CA10: variants seen among roughly 807,000 people sequenced by gnomAD.
CA10 encodes carbonic anhydrase 10 (inactive).
CA10 carries 14 observed loss-of-function variants against 44.2 expected under a neutral mutation model. The ratio of observed to expected loss-of-function variants is 0.32; its 90% confidence interval spans 0.21 to 0.50. The LOEUF is 0.50. Ranked by LOEUF, CA10 falls within the 20% of genes least tolerant of loss-of-function variation. CA10 has a pLI of 0.99. For missense variants in CA10, 350 were observed against 409.7 expected, an observed-to-expected ratio of 0.85 and a Z score of 1.26; for synonymous variants, 159 against 141.6, an observed-to-expected ratio of 1.12 and a Z score of -0.87.
chr17:52,021,415 A>G (rs1000106738), intron 2 of CA10, among the ~76,000 whole-genome samples: 4 of 152,106 alleles, frequency 2.6e-5, no homozygotes, highest in Non-Finnish European at 5.9e-5. Flanking sequence ...GAACTAATTT[A>G]TATTCCCACC....
At chr17:52,083,495 C>T (rs563270972) in intron 1 of CA10, among the ~76,000 whole-genome samples, 80 of 152,246 alleles carry the variant, frequency 5.3e-4, no homozygotes, top group African/African-American at 1.9e-3. Flanking sequence ...GAAGTCTAGG[C>T]TTTTAGTGTA....
chr17:51,818,632 TG>T (rs781553719), intron 3 of CA10, among the ~76,000 whole-genome samples: 24 of 152,108 alleles, frequency 1.6e-4, no homozygotes, highest in Non-Finnish European at 2.6e-4. Context: ...TTCGTGATGA[TG>T]GTTCTCTGAG....
At chr17:51,706,990 C>G (rs1915782106) in intron 4 of CA10, among the ~76,000 whole-genome samples, 1 of 152,160 alleles carries the variant, frequency 6.6e-6, no homozygotes, top group South Asian at 2.1e-4. Flanking sequence ...TTATTTTACC[C>G]ACAGCGCTTG....
intron 3 of CA10, among the ~76,000 whole-genome samples, chr17:51,793,697 T>C (rs1220169966): frequency 1.3e-5 from 2 of 152,252 alleles, no homozygotes; most frequent in African/African-American, 2.4e-5. Flanking sequence ...GGTAAATTAG[T>C]ATAGAGACCC....
intron 3 of CA10, among the ~76,000 whole-genome samples, chr17:51,822,691 G>A (rs1271861738): frequency 1.3e-5 from 2 of 152,164 alleles, no homozygotes; most frequent in African/African-American, 4.8e-5. Context: ...TGTGTAGCAT[G>A]GTGCACTAGA....
chr17:52,157,168 G>A (rs1026953973), intron 1 of CA10, among the ~76,000 whole-genome samples: 5 of 152,170 alleles, frequency 3.3e-5, no homozygotes, highest in Admixed American at 6.5e-5. Context: ...AATTGGGGGG[G>A]TAGAGGAGGG....
chr17:51,847,729 T>G (rs1368357136), intron 3 of CA10, among the ~76,000 whole-genome samples: 2 of 152,170 alleles, frequency 1.3e-5, no homozygotes, highest in Non-Finnish European at 2.9e-5. Flanking sequence ...TTCATCTGGT[T>G]GGAGGCAGCC....
At chr17:52,110,645 A>G (rs1988769737) in intron 1 of CA10, among the ~76,000 whole-genome samples, 1 of 152,078 alleles carries the variant, frequency 6.6e-6, no homozygotes, top group African/African-American at 2.4e-5. Context: ...GCTAAGCTGA[A>G]CTCTAGCTTC....
intron 3 of CA10, among the ~76,000 whole-genome samples, chr17:51,905,325 T>C (rs9890328): frequency 0.013 from 1,933 of 152,106 alleles, 42 homozygotes; most frequent in African/African-American, 0.044. Flanking sequence ...CATAGGCCCA[T>C]TGTAAAGATT....
intron 1 of CA10, among the ~76,000 whole-genome samples, chr17:52,102,366 T>G (rs962282068): frequency 1.1e-4 from 16 of 152,234 alleles, no homozygotes; most frequent in Non-Finnish European, 1.6e-4. Context: ...AATGCAATGT[T>G]GTTAAAATAA....
intron 3 of CA10, among the ~76,000 whole-genome samples, chr17:51,801,960 C>T (rs931419917): frequency 5.9e-5 from 9 of 152,170 alleles, no homozygotes; most frequent in African/African-American, 2.2e-4. Flanking sequence ...GAAGAAGCTT[C>T]CTGGGAAGGA....
At chr17:51,914,546 T>C (rs1981917861) in intron 3 of CA10, among the ~76,000 whole-genome samples, 1 of 152,098 alleles carries the variant, frequency 6.6e-6, no homozygotes, top group Non-Finnish European at 1.5e-5. Flanking sequence ...AAAATACGTA[T>C]AGTGCTAGAG....
intron 3 of CA10, among the ~76,000 whole-genome samples, chr17:51,845,471 C>A (rs992872646): frequency 1.3e-5 from 2 of 152,158 alleles, no homozygotes; most frequent in African/African-American, 4.8e-5. Flanking sequence ...TGAGCCAGAA[C>A]CCCAGTGAAG....
intron 4 of CA10, among the ~76,000 whole-genome samples, chr17:51,743,664 G>A (rs1904551766): frequency 6.6e-6 from 1 of 152,188 alleles, no homozygotes; most frequent in African/African-American, 2.4e-5. Flanking sequence ...GTTGCACTGT[G>A]CCAAGGAAAA....
chr17:52,024,439 G>A (rs1252480924), intron 2 of CA10, among the ~76,000 whole-genome samples: 1 of 151,546 alleles, frequency 6.6e-6, no homozygotes, highest in African/African-American at 2.4e-5. Flanking sequence ...GAGTACTAGG[G>A]CAATGTGACC....
intron 4 of CA10, among the ~76,000 whole-genome samples, chr17:51,669,556 C>T (rs1914337481): frequency 6.6e-6 from 1 of 152,166 alleles, no homozygotes; most frequent in Admixed American, 6.5e-5. Context: ...CTCTTTGGGT[C>T]CATGCCACTT....
intron 3 of CA10, among the ~76,000 whole-genome samples, chr17:51,772,921 C>A (rs560633289): frequency 7.2e-5 from 11 of 152,102 alleles, no homozygotes; most frequent in Non-Finnish European, 1.5e-4. Flanking sequence ...TTGATGTCTC[C>A]CTTCTCTGGG....
chr17:51,925,054 T>C (rs765202072), intron 3 of CA10, among the ~76,000 whole-genome samples: 1 of 152,096 alleles, frequency 6.6e-6, no homozygotes, highest in Non-Finnish European at 1.5e-5. Flanking sequence ...TTCTCTCTCT[T>C]TCTCTGTCTC....
intron 2 of CA10, among the ~76,000 whole-genome samples, chr17:52,061,298 G>T (rs1987378387): frequency 6.6e-6 from 1 of 152,152 alleles, no homozygotes; most frequent in African/African-American, 2.4e-5. Flanking sequence ...CTGGAGCCAT[G>T]CAAGGAAGGG....
Sources: gnomAD v4.1 joint callset for allele counts (sites outside exome capture counted in the v4.1 genomes callset) on GRCh38, gnomAD v4.1.1 for gene constraint, MANE v1.5 for transcripts, NCBI Gene and HGNC (gene_info 2026-07-23, HGNC 2026-07-21) for gene names.